The following SPECC1 variants were observed in gnomAD, a reference collection of about 807,000 sequenced individuals.
SPECC1 encodes the protein sperm antigen with calponin homology and coiled-coil domains 1.
Under a neutral mutation model 104.1 loss-of-function variants are expected in SPECC1, and 62 were observed. The observed-to-expected ratio is 0.60, with a 90% confidence interval of 0.49 to 0.74. The LOEUF (loss-of-function observed/expected upper bound fraction) is 0.74. SPECC1 is among the 30% of genes least tolerant of loss of function. SPECC1 has a pLI of 0.00. For missense variants in SPECC1, 1,306 were observed against 1,310.5 expected, an observed-to-expected ratio of 1.00 and a Z score of 0.05; for synonymous variants, 513 against 501.6, an observed-to-expected ratio of 1.02 and a Z score of -0.30.
At chr17:20,088,154 C>T (rs2047250459) in intron 1 of SPECC1, among the ~76,000 whole-genome samples, 1 of 152,100 alleles carries the variant, frequency 6.6e-6, no homozygotes, top group African/African-American at 2.4e-5. Flanking sequence ...AGACCTTGGG[C>T]TTTCACTCCC....
intron 10 of SPECC1, among the ~76,000 whole-genome samples, chr17:20,254,134 C>CATGTGTGTGTGTGTGT (rs1555639511): frequency 7.4e-6 from 1 of 135,898 alleles, no homozygotes; most frequent in East Asian, 2.2e-4. Flanking sequence ...GTTGTTACAC[C>CATGTGTGTGTGTGTGT]GTGTGTGTGT....
chr17:20,046,655 A>ATT (rs2045550519), intron 1 of SPECC1, among the ~76,000 whole-genome samples: 1 of 152,146 alleles, frequency 6.6e-6, no homozygotes, highest in South Asian at 2.1e-4. Flanking sequence ...AGTATGTAGA[A>ATT]TTTAAATAGG....
chr17:20,211,594 G>A (rs1178029407), intron 4 of SPECC1, among the ~76,000 whole-genome samples: 1 of 152,240 alleles, frequency 6.6e-6, no homozygotes, highest in African/African-American at 2.4e-5. Flanking sequence ...TTATTTTGTG[G>A]GATGTGATAG....
intron 3 of SPECC1, chr17:20,155,948 G>A: frequency 8.0e-7 from 1 of 1,243,286 alleles, no homozygotes; most frequent in Non-Finnish European, 1.0e-6. Flanking sequence ...AGGTGGTCCG[G>A]CAGGATGCAG....
chr17:20,102,508 C>T (rs1322974202), intron 2 of SPECC1, among the ~76,000 whole-genome samples: 2 of 152,186 alleles, frequency 1.3e-5, no homozygotes, highest in Admixed American at 6.5e-5. Context: ...ACCCACAGTG[C>T]AGCATAAAAT....
chr17:20,078,497 C>T (rs918964351), intron 1 of SPECC1, among the ~76,000 whole-genome samples: 3 of 151,988 alleles, frequency 2.0e-5, no homozygotes, highest in Admixed American at 6.5e-5. Context: ...TCCCATGCAA[C>T]ACATTGGCAA....
Position 20,247,453 on chromosome 17 carries a change from A to G in SPECC1, c.2598+134A>G, listed in dbSNP as rs908174259. The G allele has an allele frequency of 2.6e-4, 144 of 555,894 alleles. 3 individuals are homozygous for G. The East Asian group carries it at 4.2e-3, about 16-fold the overall frequency. 34.4% of individuals were successfully genotyped at this position (555,894 alleles called of 1,614,324 possible). ...TGTGTTTTGTAAATTGGATTGCACT[A>G]TGCATTATTCCAATACTTATTTCAC... On this transcript the variant is annotated intron_variant, in intron 9 of 14. Coordinates refer to ENST00000395527, the MANE Select transcript of SPECC1 (RefSeq NM_001243439.2).
intron 4 of SPECC1, among the ~76,000 whole-genome samples, chr17:20,210,506 G>A (rs930457788): frequency 1.3e-5 from 2 of 152,200 alleles, no homozygotes; most frequent in African/African-American, 4.8e-5. Flanking sequence ...ATGGGGAGAG[G>A]GTTTCCCAGA....
intron 11 of SPECC1, among the ~76,000 whole-genome samples, chr17:20,258,254 G>A (rs915293746): frequency 1.3e-5 from 2 of 152,176 alleles, no homozygotes; most frequent in Non-Finnish European, 2.9e-5. Flanking sequence ...GATTGAAGAG[G>A]CATTTTGAAA....
chr17:20,040,833 CG>C (rs1156737430), intron 1 of SPECC1, among the ~76,000 whole-genome samples: 1 of 152,128 alleles, frequency 6.6e-6, no homozygotes, highest in East Asian at 1.9e-4. Flanking sequence ...TTCAGCATTT[CG>C]AATCTATAGG....
At chr17:20,269,506 A>G (rs1240117436) in intron 12 of SPECC1, among the ~76,000 whole-genome samples, 1 of 151,644 alleles carries the variant, frequency 6.6e-6, no homozygotes, top group African/African-American at 2.4e-5. Context: ...GCTCACCACA[A>G]CCTCCGCTCC....
intron 13 of SPECC1, among the ~76,000 whole-genome samples, chr17:20,299,555 CAAAAAAAAAAAAA>C (rs57493380): frequency 2.5e-5 from 1 of 40,368 alleles, no homozygotes; most frequent in Non-Finnish European, 5.3e-5. Context: ...GACCCTGTCT[CAAAAAAAAAAAAA>C]AAAAAAAAAA....
chr17:20,263,895 G>A (rs1227695649), intron 12 of SPECC1, among the ~76,000 whole-genome samples: 1 of 152,198 alleles, frequency 6.6e-6, no homozygotes, highest in Non-Finnish European at 1.5e-5. Flanking sequence ...TTGTGTGTGT[G>A]TGTGTGTGTG....
intron 3 of SPECC1, among the ~76,000 whole-genome samples, chr17:20,121,259 C>T (rs914371043): frequency 3.9e-5 from 6 of 152,136 alleles, no homozygotes; most frequent in African/African-American, 1.2e-4. Context: ...TTTTCTCTCC[C>T]GTGCCCACCA....
At chr17:20,162,349 C>T (rs574248190) in intron 3 of SPECC1, among the ~76,000 whole-genome samples, 100 of 147,854 alleles carry the variant, frequency 6.8e-4, no homozygotes, top group Admixed American at 2.2e-3. Context: ...GGTTTCACCG[C>T]GTTAGCCAGG....
At chr17:20,278,418 C>G (rs1233831244) in intron 12 of SPECC1, among the ~76,000 whole-genome samples, 1 of 152,146 alleles carries the variant, frequency 6.6e-6, no homozygotes, top group Non-Finnish European at 1.5e-5. Context: ...AGAGGTGGAA[C>G]TGGGAAGACT....
At chr17:20,104,830 T>C (rs1377373268) in intron 2 of SPECC1, among the ~76,000 whole-genome samples, 1 of 148,686 alleles carries the variant, frequency 6.7e-6, no homozygotes, top group Non-Finnish European at 1.5e-5. Flanking sequence ...TTTCCAGGGC[T>C]CCATGGCTCA....
rs151240538 is a variant in SPECC1 at position 20,047,452 on chromosome 17, A to G, written c.-22+38028A>G. ...GGACTCTACTGATTTTTCTTGGCAT[A>G]TGCTAAACCCTTTCAAGCTATAGAT... On this transcript the variant is annotated intron_variant, in intron 1 of 14. Coordinates refer to ENST00000395527, the MANE Select transcript of SPECC1 (RefSeq NM_001243439.2). 5.4e-3 allele frequency among the ~76,000 whole-genome samples: 828 copies of G among 152,276 alleles called. 9 individuals are homozygous for G. The highest frequency in any genetic ancestry group is 0.019 in the African/African-American group (780 of 41,564).
chr17:20,066,524 G>T (rs2046363099), intron 1 of SPECC1, among the ~76,000 whole-genome samples: 1 of 152,122 alleles, frequency 6.6e-6, no homozygotes, highest in Non-Finnish European at 1.5e-5. Context: ...CGGTCTCCCT[G>T]CAAATGAACA....
Sources: gnomAD v4.1 joint callset for allele counts (sites outside exome capture counted in the v4.1 genomes callset) on GRCh38, gnomAD v4.1.1 for gene constraint, MANE v1.5 for transcripts, NCBI Gene and HGNC (gene_info 2026-07-23, HGNC 2026-07-21) for gene names.